GIGYF2: variants seen among roughly 807,000 people sequenced by gnomAD.
The protein encoded by GIGYF2 is GRB10-interacting GYF protein 2.
In GIGYF2, 25 loss-of-function variants were observed where a neutral mutation model predicts 208.1. The observed-to-expected ratio is 0.12, with a 90% CI of 0.09 to 0.17. GIGYF2 has a LOEUF of 0.17. Ranked by LOEUF, GIGYF2 falls within the 10% of genes least tolerant of loss-of-function variation. GIGYF2 has a pLI of 1.00. For missense variants in GIGYF2, 1,302 were observed against 1,579.4 expected (o/e 0.82, Z 2.98); for synonymous variants, 534 against 543.8 (o/e 0.98, Z 0.25).
Position 232,832,951 on chromosome 2 carries a change from T to C in GIGYF2, c.2624T>C (p.Leu875Pro), listed in dbSNP as rs1240947935. ...RLRMEEEAAR[L>P]RHEEEERKRK... The stretch of plus-strand genomic sequence containing the variant: ...CGGATGGAAGAGGAGGCAGCCAGAC[T>C]CCGGCATGAGGAAGAAGAACGGAAG... Residue 875 changes from leucine to proline, a missense_variant, in exon 22 of 29, where the codon CTC becomes CCC. This residue lies in a region of GIGYF2 where 701 missense variants were observed against 793.0 expected (regional missense o/e 0.88). Coordinates refer to ENST00000373563, the MANE Select transcript of GIGYF2 (RefSeq NM_001103146.3). 14 of 1,570,988 alleles carry C rather than the reference T, an allele frequency of 8.9e-6. No homozygotes were observed. In the South Asian group the frequency reaches 1.1e-4, roughly 12 times the overall value.
At chr2:232,828,210 C>T (rs918854822) in intron 21 of GIGYF2, among the ~76,000 whole-genome samples, 23 of 152,120 alleles carry the variant, frequency 1.5e-4, no homozygotes, top group Admixed American at 1.3e-3. Flanking sequence ...TGGTCTTGAA[C>T]TCCTGGGCTC....
Position 232,756,340 on chromosome 2 carries a change from C to T in GIGYF2, c.379+6C>T. ...AAGTTCTTCAAGAGGGCGAGGTGAG[C>T]TTTCATATGAAAAAAGTAATAATGG... On this transcript the variant is annotated splice_donor_region_variant and intron_variant, in intron 6 of 28. Transcript: ENST00000373563. 6.9e-7 allele frequency: 1 copy of T among 1,439,302 alleles called. No individual in the cohort carries two copies. The highest frequency in any genetic ancestry group is 9.5e-7 in the Non-Finnish European group (1 of 1,054,436). The allele number at this position is 1,439,302 out of a possible 1,614,324, so 89.2% of individuals were successfully genotyped here. A position where few individuals can be genotyped will look rare whatever the true frequency, so the allele number is the denominator to read the frequency against.
At chr2:232,739,358 C>CA (rs1195864437) in intron 3 of GIGYF2, among the ~76,000 whole-genome samples, 1 of 49,084 alleles carries the variant, frequency 2.0e-5, no homozygotes, top group Non-Finnish European at 3.7e-5. Flanking sequence ...GCAACAAAAG[C>CA]AAACCCCCCC....
At chr2:232,778,760 G>T (rs1469242272) in intron 8 of GIGYF2, among the ~76,000 whole-genome samples, 1 of 152,112 alleles carries the variant, frequency 6.6e-6, no homozygotes, top group Non-Finnish European at 1.5e-5. Context: ...GAGGTCCTGG[G>T]GGAAGGTATT....
chr2:232,719,784 A>G (rs1030566089), intron 2 of GIGYF2, among the ~76,000 whole-genome samples: 5 of 152,354 alleles, frequency 3.3e-5, no homozygotes, highest in African/African-American at 1.2e-4. Context: ...CAAGGATACA[A>G]TTTATTGAAG....
intron 3 of GIGYF2, among the ~76,000 whole-genome samples, chr2:232,744,304 G>T (rs1229714785): frequency 6.6e-6 from 1 of 152,166 alleles, no homozygotes; most frequent in African/African-American, 2.4e-5. Context: ...CCATGAGAAG[G>T]AGTCTTTGGG....
At chr2:232,801,758 T>A (rs1700406397) in intron 14 of GIGYF2, among the ~76,000 whole-genome samples, 1 of 152,256 alleles carries the variant, frequency 6.6e-6, no homozygotes, top group Admixed American at 6.5e-5. Context: ...GGCCATTTGC[T>A]GTCTTTTGAG....
In GIGYF2 at chr2:232,844,395, G is replaced by A; in HGVS notation, c.3126G>A (p.Gly1042=). 6.2e-7 allele frequency: 1 copy of A among 1,613,796 alleles called. No homozygotes were observed. Among genetic ancestry groups the A allele is most frequent in the South Asian group, 1.1e-5 (1 of 91,080 alleles). The part of the protein sequence containing the change: ...NTHSNLHTSI[G]NSVWGSINTG... Reference sequence around the variant, plus strand: ...ATTCCAACCTGCACACCAGCATTGGGAATTCTGTTTGGGGCTCTATAAATA... The same window carrying A: ...ATTCCAACCTGCACACCAGCATTGGAAATTCTGTTTGGGGCTCTATAAATA... The change falls in exon 25 of 29, where the codon GGG becomes GGA. Residue 1042 remains glycine (G), a synonymous_variant. Coordinates refer to ENST00000373563, the MANE Select transcript of GIGYF2 (RefSeq NM_001103146.3).
intron 2 of GIGYF2, among the ~76,000 whole-genome samples, chr2:232,719,745 C>G (rs1380806575): frequency 6.6e-6 from 1 of 152,272 alleles, no homozygotes; most frequent in African/African-American, 2.4e-5. Context: ...GACAAAAAGT[C>G]TAGCTTATAT....
chr2:232,717,936 C>T (rs1003208989), intron 2 of GIGYF2, among the ~76,000 whole-genome samples: 2 of 152,198 alleles, frequency 1.3e-5, no homozygotes, highest in South Asian at 2.1e-4. Flanking sequence ...ATGAGATTTG[C>T]AGGGGTCATA....
chr2:232,836,021 GA>G (rs1482734090), intron 22 of GIGYF2, among the ~76,000 whole-genome samples: 1 of 151,618 alleles, frequency 6.6e-6, no homozygotes, highest in Non-Finnish European at 1.5e-5. Context: ...TGTTGGAACA[GA>G]AAACAGATGC....
chr2:232,784,387 T>TTTTC (rs1491220316), intron 8 of GIGYF2, among the ~76,000 whole-genome samples: 1 of 19,226 alleles, frequency 5.2e-5, no homozygotes, highest in African/African-American at 5.3e-4. Context: ...AAATAATTTC[T>TTTTC]TTTTTTTTTT....
intron 8 of GIGYF2, among the ~76,000 whole-genome samples, chr2:232,769,883 G>A (rs1699160605): frequency 6.6e-6 from 1 of 152,134 alleles, no homozygotes; most frequent in Non-Finnish European, 1.5e-5. Context: ...GTCTAGTGGT[G>A]GTTTTAGTAC....
intron 6 of GIGYF2, chr2:232,760,168 T>G (rs1486183408): frequency 9.4e-6 from 2 of 213,736 alleles, no homozygotes; most frequent in African/African-American, 4.6e-5. Flanking sequence ...TAGTGTTTTA[T>G]TGAACTTCTT....
intron 3 of GIGYF2, chr2:232,736,290 G>A (rs1261647682): frequency 7.6e-6 from 4 of 525,390 alleles, no homozygotes; most frequent in Non-Finnish European, 9.8e-6. Flanking sequence ...GATTTTCTTA[G>A]TATCAAATTA....
chr2:232,784,031 C>T (rs72617182), intron 8 of GIGYF2, among the ~76,000 whole-genome samples: 5,068 of 152,222 alleles, frequency 0.033, 246 homozygotes, highest in East Asian at 0.24. Flanking sequence ...AATTTACTTA[C>T]GTACCAGTAA....
chr2:232,849,001 C>T (rs1404927177), intron 27 of GIGYF2, among the ~76,000 whole-genome samples: 1 of 152,098 alleles, frequency 6.6e-6, no homozygotes, highest in Non-Finnish European at 1.5e-5. Context: ...TCCTTTACTC[C>T]TGTAATTGTT....
chr2:232,704,659 A>G (rs1696003826), intron 2 of GIGYF2, among the ~76,000 whole-genome samples: 1 of 151,974 alleles, frequency 6.6e-6, no homozygotes, highest in Admixed American at 6.6e-5. Flanking sequence ...TGCCTCCCAA[A>G]GTGCTGGGAT....
At chr2:232,737,177 C>T (rs907775418) in intron 3 of GIGYF2, among the ~76,000 whole-genome samples, 6 of 152,156 alleles carry the variant, frequency 3.9e-5, no homozygotes, top group Admixed American at 2.0e-4. Context: ...TTTGCTGGCC[C>T]CTGCCCTACA....
Sources: allele counts gnomAD v4.1 joint callset (sites outside exome capture counted in the v4.1 genomes callset), GRCh38; gene constraint gnomAD v4.1.1; regional missense constraint gnomAD v4.1.1; transcripts MANE v1.5; gene names NCBI Gene and HGNC (gene_info 2026-07-23, HGNC 2026-07-21).